SWT1: variants seen among roughly 807,000 people sequenced by gnomAD.
SWT1 encodes the protein transcriptional protein SWT1.
A neutral mutation model predicts 107.3 loss-of-function variants in SWT1; 33 were observed. That is an observed-to-expected ratio of 0.31 (90% CI 0.23 to 0.41). SWT1 has a LOEUF of 0.41. Among genes scored for constraint, SWT1 ranks in the 10% least tolerant of loss-of-function variants. SWT1 has a pLI of 1.00. For missense variants in SWT1, 898 were observed against 1,028.9 expected, an observed-to-expected ratio of 0.87 and a Z score of 1.74; for synonymous variants, 345 against 348.3, an observed-to-expected ratio of 0.99 and a Z score of 0.11.
intron 16 of SWT1, among the ~76,000 whole-genome samples, chr1:185,265,292 C>A (rs1663292497): frequency 6.6e-6 from 1 of 152,098 alleles, no homozygotes; most frequent in Admixed American, 6.5e-5. Context: ...CTATATATGG[C>A]ATTTTTTTCA....
intron 13 of SWT1, among the ~76,000 whole-genome samples, chr1:185,209,515 G>C (rs1320399773): frequency 6.6e-6 from 1 of 152,034 alleles, no homozygotes; most frequent in Non-Finnish European, 1.5e-5. Flanking sequence ...GAGAATGATG[G>C]TTTCCACTTT....
chr1:185,222,701 G>A (rs1571545575), intron 15 of SWT1, among the ~76,000 whole-genome samples: 5 of 144,828 alleles, frequency 3.5e-5, no homozygotes, highest in Admixed American at 2.9e-4. Context: ...GAAGGTGGAG[G>A]TTGCGGTGAA....
chr1:185,247,893 A>G (rs914844066), intron 16 of SWT1, among the ~76,000 whole-genome samples: 10 of 152,134 alleles, frequency 6.6e-5, no homozygotes, highest in Admixed American at 1.3e-4. Flanking sequence ...AAAGCAGACT[A>G]TTTGTTTATT....
intron 16 of SWT1, among the ~76,000 whole-genome samples, chr1:185,236,761 A>G (rs527980562): frequency 2.0e-5 from 3 of 152,348 alleles, no homozygotes; most frequent in East Asian, 1.9e-4. Flanking sequence ...AGAAACTATC[A>G]TCAGAGTGAA....
chr1:185,182,076 T>C lies in SWT1; in HGVS notation c.1138+19T>C, dbSNP rs377699144. ...TCCTCTGGTATACCCTATATGTTGA[T>C]GTGTATGCTCCCCTATGCTTTCCTA... is the stretch of plus-strand genomic sequence containing the variant. On this transcript the variant is annotated intron_variant, in intron 7 of 18. Transcript: ENST00000367500. The C allele has an allele frequency of 1.2e-5, 19 of 1,612,566 alleles. No individual in the cohort carries two copies. The highest frequency in any genetic ancestry group is 1.4e-5 in the Non-Finnish European group (17 of 1,179,110).
chr1:185,198,384 G>T lies in SWT1; in HGVS notation c.1524-4270G>T, dbSNP rs143331572. ...TTATGTGGTCAGTTTTAGAATAAGTGCAATGTGCTGAGAAGAATGTATATT... is the reference window on the plus strand; with the variant it reads ...TTATGTGGTCAGTTTTAGAATAAGTTCAATGTGCTGAGAAGAATGTATATT... On this transcript the variant is annotated intron_variant, in intron 10 of 18. Transcript: ENST00000367500. Among the ~76,000 whole-genome samples the T allele has an allele frequency of 4.9e-3, 745 of 152,298 alleles. 2 individuals are homozygous for T. The highest frequency in any genetic ancestry group is 6.7e-3 in the Non-Finnish European group (459 of 68,012).
chr1:185,239,796 A>G (rs935963403), intron 16 of SWT1, among the ~76,000 whole-genome samples: 1 of 152,070 alleles, frequency 6.6e-6, no homozygotes, highest in Non-Finnish European at 1.5e-5. Context: ...TTATGTCTAG[A>G]TTGATCAAGT....
intron 9 of SWT1, among the ~76,000 whole-genome samples, chr1:185,189,308 T>G (rs1321039800): frequency 6.6e-6 from 1 of 152,136 alleles, no homozygotes; most frequent in Non-Finnish European, 1.5e-5. Context: ...AAAAACTGAA[T>G]TTTTGCTACA....
intron 3 of SWT1, among the ~76,000 whole-genome samples, chr1:185,167,822 A>G (rs1324764953): frequency 6.6e-6 from 1 of 151,574 alleles, no homozygotes; most frequent in African/African-American, 2.4e-5. Flanking sequence ...ATTTATTGTT[A>G]TTTTGTCCAC....
intron 14 of SWT1, among the ~76,000 whole-genome samples, chr1:185,220,897 C>G (rs982525251): frequency 6.6e-6 from 1 of 152,198 alleles, no homozygotes; most frequent in Non-Finnish European, 1.5e-5. Context: ...TGTGGAACAT[C>G]AAATAGTATT....
At chr1:185,184,671 T>C (rs1439599017) in intron 8 of SWT1, 72 bp from the exon 9 acceptor site, 3 of 1,196,470 alleles carry the variant, frequency 2.5e-6, no homozygotes, top group Non-Finnish European at 2.4e-6. Context: ...AACTTTTACC[T>C]CTTGGACAGC....
At chr1:185,158,684 A>G (rs554820082) in intron 1 of SWT1, among the ~76,000 whole-genome samples, 370 of 152,296 alleles carry the variant, frequency 2.4e-3, no homozygotes, top group African/African-American at 8.3e-3. Flanking sequence ...ATTTCTAAGC[A>G]TGGTCTGTGC....
At chr1:185,179,884 G>A (rs1655875582) in intron 5 of SWT1, among the ~76,000 whole-genome samples, 2 of 152,172 alleles carry the variant, frequency 1.3e-5, no homozygotes, top group African/African-American at 4.8e-5. Context: ...AAACATTTTC[G>A]ATTGTCAAGA....
At chr1:185,180,618 A>G (rs1465974676) in intron 6 of SWT1, among the ~76,000 whole-genome samples, 168 bp downstream of exon 6, 1 of 152,188 alleles carries the variant, frequency 6.6e-6, no homozygotes, top group Non-Finnish European at 1.5e-5. Flanking sequence ...CTATTCAGAA[A>G]AGTATACTTT....
At chr1:185,244,572 GGTGGTGAGTCAGTGGGTGA>G (rs1171230106) in intron 16 of SWT1, among the ~76,000 whole-genome samples, 2 of 152,070 alleles carry the variant, frequency 1.3e-5, no homozygotes, top group Non-Finnish European at 2.9e-5. Flanking sequence ...TCAGTGGGTG[GGTGGTGAGTCAGTGGGTGA>G]GTGGTGAGTG....
intron 2 of SWT1, among the ~76,000 whole-genome samples, chr1:185,161,726 T>G (rs1276385190): frequency 1.3e-5 from 2 of 152,090 alleles, no homozygotes; most frequent in Non-Finnish European, 2.9e-5. Flanking sequence ...AAGTAGTGTT[T>G]TGGTAGATGA....
At chr1:185,251,610 AC>A (rs1432363667) in intron 16 of SWT1, among the ~76,000 whole-genome samples, 1 of 151,930 alleles carries the variant, frequency 6.6e-6, no homozygotes, top group East Asian at 1.9e-4. Context: ...TGCTAGTGAG[AC>A]TTTCTGCCTA....
At chr1:185,157,919 A>G (rs1237064508) in intron 1 of SWT1, among the ~76,000 whole-genome samples, 1 of 151,910 alleles carries the variant, frequency 6.6e-6, no homozygotes, top group Non-Finnish European at 1.5e-5. Flanking sequence ...CTTAGTGCCT[A>G]CTTGACATTC....
chr1:185,189,958 C>G (rs1656811127), intron 9 of SWT1, among the ~76,000 whole-genome samples: 1 of 151,754 alleles, frequency 6.6e-6, no homozygotes. Context: ...AACTGATTCT[C>G]CTGCCTCAGA....
Sources: allele counts gnomAD v4.1 joint callset (sites outside exome capture counted in the v4.1 genomes callset), GRCh38; gene constraint gnomAD v4.1.1; transcripts MANE v1.5; gene names NCBI Gene and HGNC (gene_info 2026-07-23, HGNC 2026-07-21).